The following GAP43 variants were observed in gnomAD, a reference collection of about 807,000 sequenced individuals.
GAP43 encodes the protein neuromodulin.
In GAP43, 6 loss-of-function variants were observed where a neutral mutation model predicts 18.6. The observed-to-expected ratio is 0.32, with a 90% confidence interval of 0.18 to 0.64. The LOEUF is 0.64. GAP43 is among the 30% of genes least tolerant of loss of function. The pLI is 0.78. For missense variants in GAP43, 292 were observed against 295.5 expected (o/e 0.99, Z 0.09); for synonymous variants, 115 against 111.4 (o/e 1.03, Z -0.20).
chr3:115,635,358 A>T (rs9883038), intron 1 of GAP43, among the ~76,000 whole-genome samples: 19,568 of 152,082 alleles, frequency 0.13, 1,432 homozygotes, highest in Admixed American at 0.2. Flanking sequence ...AGATTTGTGC[A>T]TCCATAATGT....
intron 2 of GAP43, among the ~76,000 whole-genome samples, chr3:115,690,665 GATA>G (rs1351589141): frequency 6.7e-6 from 1 of 149,972 alleles, no homozygotes; most frequent in Non-Finnish European, 1.5e-5. Flanking sequence ...GTTTTCTTCT[GATA>G]ATCTGAAATA....
intron 2 of GAP43, among the ~76,000 whole-genome samples, chr3:115,707,212 ATAT>A (rs1331752090): frequency 6.6e-6 from 1 of 152,224 alleles, no homozygotes; most frequent in Non-Finnish European, 1.5e-5. Context: ...GTGGGTACCA[ATAT>A]TATGAAAAAT....
chr3:115,690,293 A>G (rs1441673787), intron 2 of GAP43, among the ~76,000 whole-genome samples: 1 of 151,634 alleles, frequency 6.6e-6, no homozygotes, highest in Non-Finnish European at 1.5e-5. Flanking sequence ...GCCTCAACAA[A>G]CCAAGAGACA....
At chr3:115,629,525 T>G (rs917321581) in intron 1 of GAP43, among the ~76,000 whole-genome samples, 1 of 152,068 alleles carries the variant, frequency 6.6e-6, no homozygotes, top group Admixed American at 6.6e-5. Flanking sequence ...ATTCCCACTT[T>G]CCCTGCAAGA....
chr3:115,688,670 C>T (rs1478527846), intron 2 of GAP43, among the ~76,000 whole-genome samples: 7 of 152,150 alleles, frequency 4.6e-5, no homozygotes, highest in East Asian at 3.9e-4. Context: ...TATTTAACTC[C>T]GCGGACTGAC....
At chr3:115,702,414 G>A (rs1439751760) in intron 2 of GAP43, among the ~76,000 whole-genome samples, 1 of 151,836 alleles carries the variant, frequency 6.6e-6, no homozygotes, top group African/African-American at 2.4e-5. Context: ...TTAGGGGACA[G>A]AAAGAAAAAA....
chr3:115,698,686 T>G (rs1209801764), intron 2 of GAP43, among the ~76,000 whole-genome samples: 2 of 151,958 alleles, frequency 1.3e-5, no homozygotes, highest in African/African-American at 2.4e-5. Context: ...CAGTGCTACC[T>G]GAAAAATCCC....
intron 1 of GAP43, among the ~76,000 whole-genome samples, chr3:115,655,799 T>C (rs1298524313): frequency 6.6e-6 from 1 of 152,238 alleles, no homozygotes; most frequent in African/African-American, 2.4e-5. Flanking sequence ...CAGAAAAGTA[T>C]AAACTATTTC....
chr3:115,700,592 T>C (rs574027853), intron 2 of GAP43, among the ~76,000 whole-genome samples: 1 of 152,284 alleles, frequency 6.6e-6, no homozygotes, highest in East Asian at 1.9e-4. Context: ...TGTAAGTGGT[T>C]GATGCTCCAT....
intron 1 of GAP43, among the ~76,000 whole-genome samples, chr3:115,636,473 T>G (rs1708332135): frequency 6.6e-6 from 1 of 152,138 alleles, no homozygotes; most frequent in Non-Finnish European, 1.5e-5. Flanking sequence ...TCCATATGTA[T>G]GTAATGAGTT....
intron 1 of GAP43, among the ~76,000 whole-genome samples, chr3:115,669,373 G>A (rs1708780554): frequency 6.6e-6 from 1 of 152,110 alleles, no homozygotes; most frequent in African/African-American, 2.4e-5. Flanking sequence ...TTCTTCACCT[G>A]TCATCATCTT....
chr3:115,682,423 T>A (rs895715190), intron 2 of GAP43, among the ~76,000 whole-genome samples: 1 of 152,224 alleles, frequency 6.6e-6, no homozygotes, highest in African/African-American at 2.4e-5. Context: ...AATCAGTATC[T>A]TTTTTATATT....
chr3:115,674,240 T>C (rs763382553), intron 1 of GAP43, among the ~76,000 whole-genome samples: 8 of 152,212 alleles, frequency 5.3e-5, no homozygotes, highest in African/African-American at 7.2e-5. Context: ...TGCTGTGTTG[T>C]TCTTTGCTGT....
At chr3:115,652,863 C>CTAAA (rs1461061545) in intron 1 of GAP43, among the ~76,000 whole-genome samples, 2 of 152,176 alleles carry the variant, frequency 1.3e-5, no homozygotes, top group South Asian at 4.1e-4. Flanking sequence ...ATAGTAGCTA[C>CTAAA]TAAATGTACT....
In GAP43 at chr3:115,634,603, C is replaced by A. The variant is rs543592855; in HGVS notation, c.30+10884C>A. ...TGGGAAACATAGTGAGACCTTGTTT[C>A]TACAAAAAATAAAAAAATTAGCTGG... On this transcript the variant is annotated intron_variant, in intron 1 of 2. Coordinates refer to ENST00000305124, the MANE Select transcript of GAP43 (RefSeq NM_002045.4). Among the ~76,000 whole-genome samples the A allele has an allele frequency of 9.2e-5, 14 of 151,916 alleles. 2 individuals carry two copies. The highest frequency in any genetic ancestry group is 3.4e-4 in the African/African-American group (14 of 41,436).
intron 1 of GAP43, among the ~76,000 whole-genome samples, chr3:115,628,576 T>C (rs1250632128): frequency 6.6e-6 from 1 of 152,172 alleles, no homozygotes; most frequent in Non-Finnish European, 1.5e-5. Flanking sequence ...TTACATCTTA[T>C]TTGATGTCTC....
rs757246883 is a variant in GAP43 at position 115,676,031 on chromosome 3, G to A, written c.49G>A (p.Asp17Asn). 7 of 1,599,764 alleles carry A rather than the reference G, an allele frequency of 4.4e-6. No individual in the cohort carries two copies. The highest frequency in any genetic ancestry group is 2.7e-5 in the African/African-American group (2 of 73,798). The change falls in exon 2 of 3, where the codon GAC (aspartate) becomes AAC (asparagine). Residue 17 changes from aspartate (D) to asparagine (N), a missense_variant. Transcript: ENST00000305124. ...GACAAAGGTTGAAAAAAATGATGAC[G>A]ACCAAAAGATTGAACAAGATGGTAT... Reference protein sequence around the residue: ...RTKQVEKNDDDQKIEQDGIKP... With the variant: ...RTKQVEKNDDNQKIEQDGIKP...
chr3:115,706,299 A>G (rs958092326), intron 2 of GAP43, among the ~76,000 whole-genome samples: 3 of 152,154 alleles, frequency 2.0e-5, no homozygotes, highest in Non-Finnish European at 4.4e-5. Flanking sequence ...ATGATTAAAC[A>G]AGGGAATTTT....
Position 115,676,579 on chromosome 3 carries a change from T to C in GAP43, c.597T>C (p.Thr199=). ...AKATAQPPTE[T]GESSQAEENI... is the part of the protein sequence containing the mutation. Reference sequence around the variant, plus strand: ...CAACAGCCCAGCCTCCAACGGAGACTGGGGAGAGCAGCCAAGCTGAAGAGA... The same window carrying C: ...CAACAGCCCAGCCTCCAACGGAGACCGGGGAGAGCAGCCAAGCTGAAGAGA... The change falls in exon 2 of 3, where the codon ACT becomes ACC. Residue 199 remains threonine, a synonymous_variant. Coordinates refer to ENST00000305124, the MANE Select transcript of GAP43 (RefSeq NM_002045.4). 1 of 1,608,554 alleles carries C rather than the reference T, an allele frequency of 6.2e-7. No homozygotes were observed. The highest frequency in any genetic ancestry group is 8.5e-7 in the Non-Finnish European group (1 of 1,178,710).
Sources: allele counts gnomAD v4.1 joint callset (sites outside exome capture counted in the v4.1 genomes callset), GRCh38; gene constraint gnomAD v4.1.1; transcripts MANE v1.5; gene names NCBI Gene and HGNC (gene_info 2026-07-23, HGNC 2026-07-21).